The following PKIG variants were observed in gnomAD, a reference collection of about 807,000 sequenced individuals.
PKIG encodes protein kinase (cAMP-dependent, catalytic) inhibitor gamma.
A neutral mutation model predicts 6.8 loss-of-function variants in PKIG; 1 was observed. That is an observed-to-expected ratio of 0.15 (90% CI 0.05 to 0.69). PKIG has a LOEUF of 0.69. Ranked by LOEUF, PKIG falls within the 30% of genes least tolerant of loss-of-function variation. The pLI is 0.82. For synonymous variants in PKIG, 39 were observed against 43.0 expected (o/e 0.91, Z 0.36); for missense variants, 77 against 104.0 (o/e 0.74, Z 1.13).
At chr20:44,558,622 T>G (rs915250214) in intron 1 of PKIG, among the ~76,000 whole-genome samples, 4 of 149,982 alleles carry the variant, frequency 2.7e-5, no homozygotes, top group Non-Finnish European at 5.9e-5. Context: ...TTCTCATTCT[T>G]TCTTTTTCAT....
intron 1 of PKIG, among the ~76,000 whole-genome samples, chr20:44,560,064 A>G (rs1484843653): frequency 1.5e-5 from 2 of 135,664 alleles, no homozygotes; most frequent in Non-Finnish European, 3.0e-5. Context: ...TGAAAAAAAT[A>G]CAAAAAAAAA....
Position 44,614,885 on chromosome 20 carries a change from T to A in PKIG, c.151+178T>A, listed in dbSNP as rs1027902104. The A allele has an allele frequency of 3.1e-6, 2 of 651,374 alleles. No individual in the cohort carries two copies. The highest frequency in any genetic ancestry group is 5.2e-6 in the Non-Finnish European group (2 of 386,454). The allele number at this position is 651,374 out of a possible 1,614,324, so 40.3% of individuals were successfully genotyped here. Reference sequence around the variant, plus strand: ...ATCTCTAGGTTGGAAGATGTTTGAGTCTCAGGCCCCAAGGACTCCTCTGGA... The same window carrying A: ...ATCTCTAGGTTGGAAGATGTTTGAGACTCAGGCCCCAAGGACTCCTCTGGA... On this transcript the variant is annotated intron_variant, in intron 3 of 3. Coordinates refer to ENST00000372886, the MANE Select transcript of PKIG (RefSeq NM_001281445.2). The surrounding 1 kb of genome is among the most constrained non-coding windows in gnomAD (Gnocchi z 4.6).
At chr20:44,611,869 A>C (rs1257373754) in intron 2 of PKIG, among the ~76,000 whole-genome samples, 1 of 151,902 alleles carries the variant, frequency 6.6e-6, no homozygotes, top group Non-Finnish European at 1.5e-5. Flanking sequence ...AAAATCATGC[A>C]GTATTTGTGT....
Position 44,576,846 on chromosome 20 carries a change from G to C in PKIG, c.-240-5739G>C, listed in dbSNP as rs201302170. Among the ~76,000 whole-genome samples the C allele has an allele frequency of 2.0e-5, 3 of 152,082 alleles. No individual in the cohort carries two copies. The East Asian group carries it at 5.8e-4, about 29-fold the overall frequency. On this transcript the variant is annotated intron_variant, in intron 1 of 4. Transcript: ENST00000372887. ...GGGAGGGGACAGTGTGATATCCTGC[G>C]AACCTATCCAGTTTCTAGCCACATA...
At chr20:44,606,902 T>G (rs1366354542) in intron 2 of PKIG, among the ~76,000 whole-genome samples, 1 of 152,224 alleles carries the variant, frequency 6.6e-6, no homozygotes, top group Non-Finnish European at 1.5e-5. Context: ...GGTGCCCTCT[T>G]GGAAGCAGAG....
At chr20:44,565,543 G>A (rs2064803295) in intron 1 of PKIG, among the ~76,000 whole-genome samples, 1 of 152,178 alleles carries the variant, frequency 6.6e-6, no homozygotes, top group Non-Finnish European at 1.5e-5. Context: ...GCCTTTACCA[G>A]CACTGGTGAC....
intron 2 of PKIG, among the ~76,000 whole-genome samples, chr20:44,590,112 T>C (rs2065022536): frequency 6.6e-6 from 1 of 152,134 alleles, no homozygotes; most frequent in South Asian, 2.1e-4. Context: ...AAAGAAAATT[T>C]ACCTTTGGTG....
intron 2 of PKIG, among the ~76,000 whole-genome samples, chr20:44,595,638 T>G (rs1600884725): frequency 6.6e-6 from 1 of 152,140 alleles, no homozygotes; most frequent in Admixed American, 6.5e-5. Context: ...CTCAGCCTCC[T>G]GAGTAGCTGG....
intron 1 of PKIG, among the ~76,000 whole-genome samples, chr20:44,565,480 G>T (rs919272156): frequency 2.0e-5 from 3 of 152,194 alleles, no homozygotes; most frequent in Non-Finnish European, 4.4e-5. Context: ...ATATTTCCAT[G>T]AGAAATGGTC....
chr20:44,571,710 C>G (rs2064855466), intron 1 of PKIG, among the ~76,000 whole-genome samples: 1 of 152,214 alleles, frequency 6.6e-6, no homozygotes, highest in Non-Finnish European at 1.5e-5. Flanking sequence ...ACTGGTTTTT[C>G]CAAACAAATT....
chr20:44,595,544 C>T (rs1449925644), intron 2 of PKIG, among the ~76,000 whole-genome samples: 2 of 152,120 alleles, frequency 1.3e-5, no homozygotes, highest in Admixed American at 6.5e-5. Context: ...GATGGAGTTT[C>T]GCTGTGTTGC....
intron 1 of PKIG, among the ~76,000 whole-genome samples, chr20:44,574,801 C>T (rs2064882466): frequency 6.6e-6 from 1 of 151,478 alleles, no homozygotes; most frequent in African/African-American, 2.4e-5. Context: ...AACTCCTGAC[C>T]TCAGGTGATC....
intron 2 of PKIG, among the ~76,000 whole-genome samples, chr20:44,611,609 T>G (rs1600902334): frequency 6.6e-6 from 1 of 151,458 alleles, no homozygotes; most frequent in African/African-American, 2.4e-5. Flanking sequence ...CTCCGCCTCC[T>G]GGGTTCACGC....
At chr20:44,538,874 C>A (rs1050856110) in intron 1 of PKIG, among the ~76,000 whole-genome samples, 1 of 152,142 alleles carries the variant, frequency 6.6e-6, no homozygotes, top group East Asian at 1.9e-4. Context: ...CCTCCTATCT[C>A]AGCCTCATCA....
chr20:44,609,872 G>T lies in PKIG; in HGVS notation c.-23-4662G>T, dbSNP rs192886077. On this transcript the variant is annotated intron_variant, in intron 2 of 3. Transcript: ENST00000372886. ...CTCACTCACCTCAGAGGGCAGCTGT[G>T]GCCACTGAGTGCGTGATGTGTATGA... 6.1e-3 allele frequency among the ~76,000 whole-genome samples: 927 copies of T among 152,312 alleles called. 2 individuals carry two copies. The highest frequency in any genetic ancestry group is 8.7e-3 in the Non-Finnish European group (594 of 68,032).
At chr20:44,607,908 T>C (rs904470865) in intron 2 of PKIG, among the ~76,000 whole-genome samples, 1 of 151,902 alleles carries the variant, frequency 6.6e-6, no homozygotes, top group South Asian at 2.1e-4. Flanking sequence ...ATGGTCTCGA[T>C]CTCTTGACCT....
chr20:44,607,529 A>C (rs1197485197), intron 2 of PKIG, among the ~76,000 whole-genome samples: 1 of 150,336 alleles, frequency 6.7e-6, no homozygotes, highest in African/African-American at 2.5e-5. Context: ...GGCGTGCACC[A>C]CCACACCCAG....
At chr20:44,558,027 A>G (rs1003710092) in intron 1 of PKIG, among the ~76,000 whole-genome samples, 1 of 142,352 alleles carries the variant, frequency 7.0e-6, no homozygotes, top group Non-Finnish European at 1.5e-5. Context: ...ATCACTAGTC[A>G]TTAGTAATAA....
At chr20:44,532,156 T>G (rs985168014) in intron 1 of PKIG, among the ~76,000 whole-genome samples, 1 of 152,166 alleles carries the variant, frequency 6.6e-6, no homozygotes, top group Non-Finnish European at 1.5e-5. Flanking sequence ...CCGCCCCGCG[T>G]TCAGGGAGAG....
Sources: allele counts gnomAD v4.1 joint callset (sites outside exome capture counted in the v4.1 genomes callset), GRCh38; gene constraint gnomAD v4.1.1; non-coding constraint Gnocchi (gnomAD v3.1); transcripts MANE v1.5; gene names NCBI Gene and HGNC (gene_info 2026-07-23, HGNC 2026-07-21).